Variants in GLIS3 observed in about 807,000 individuals in gnomAD.
The protein encoded by GLIS3 is GLIS family zinc finger 3.
In GLIS3, 53 loss-of-function variants were observed where a neutral mutation model predicts 78.6. The observed-to-expected ratio is 0.67, with a 90% CI of 0.54 to 0.85. GLIS3 has a LOEUF of 0.85. Among genes scored for constraint, GLIS3 ranks in the 40% least tolerant of loss-of-function variants. The probability of loss-of-function intolerance (pLI) is 0.00; values close to 1 mark genes in which losing one functional copy is unlikely to be tolerated. For synonymous variants in GLIS3, 684 were observed against 509.9 expected, an observed-to-expected ratio of 1.34 and a Z score of -4.60; for missense variants, 1,703 against 1,231.1, an observed-to-expected ratio of 1.38 and a Z score of -5.74.
rs778172508 is a variant in GLIS3, at chr9:4,286,121, T to G, written c.305A>C (p.Gln102Pro). The change falls in exon 2 of 11, where the codon CAG becomes CCG. Residue 102 changes from glutamine to proline, a missense_variant. Coordinates refer to ENST00000381971, the MANE Select transcript of GLIS3 (RefSeq NM_001042413.2). ...ATGTGACCCTGACATGCCTCCAGCC[T>G]GGGTGACCTGGAATCGCGGCTTCCC... ...TNGKPRFQVTQAGGMSGSHTL... is the reference protein window; with the variant it reads ...TNGKPRFQVTPAGGMSGSHTL... 3.7e-6 allele frequency: 6 copies of G among 1,613,666 alleles called. No individual in the cohort carries two copies.
In GLIS3 at chr9:3,991,683, A is replaced by AATTTTTTTT. The variant is rs1265317427; in HGVS notation, c.1711-54495_1711-54494insAAAAAAAAT. Among the ~76,000 whole-genome samples, 291 of 87,944 alleles carry AATTTTTTTT rather than the reference A, an allele frequency of 3.3e-3. 35 individuals carry two copies. Among genetic ancestry groups the AATTTTTTTT allele is most frequent in the African/African-American group, 0.013 (254 of 19,016 alleles). 57.7% of individuals were successfully genotyped at this position (87,944 alleles called of 152,430 possible). Reference sequence around the variant, plus strand: ...GTTCAGAATTTCATTAAGTAGGCTGATTTTTTTTTTTTTTTTTTTTTTTTT... The same window carrying AATTTTTTTT: ...GTTCAGAATTTCATTAAGTAGGCTGAATTTTTTTTTTTTTTTTTTTTTTTTTTTTTTTTT... On this transcript the variant is annotated intron_variant, in intron 4 of 10. Coordinates refer to ENST00000381971, the MANE Select transcript of GLIS3 (RefSeq NM_001042413.2).
intron 2 of GLIS3, among the ~76,000 whole-genome samples, chr9:4,231,172 G>C (rs1455933149): frequency 6.6e-6 from 1 of 152,098 alleles, no homozygotes; most frequent in Non-Finnish European, 1.5e-5. Context: ...TTAAAAAGCA[G>C]AGTAAGAACA....
intron 2 of GLIS3, among the ~76,000 whole-genome samples, chr9:4,270,830 C>A (rs1249960635): frequency 6.6e-6 from 1 of 152,054 alleles, no homozygotes; most frequent in Non-Finnish European, 1.5e-5. Context: ...ACTTCTCAGC[C>A]TCCTTTACTG....
chr9:4,072,998 C>T (rs12349427), intron 4 of GLIS3, among the ~76,000 whole-genome samples: 1 of 145,114 alleles, frequency 6.9e-6, no homozygotes, highest in Non-Finnish European at 1.5e-5. Context: ...TTCTTTTTCA[C>T]TTGGGTTTAC....
chr9:4,177,770 AT>A (rs981440580), intron 2 of GLIS3, among the ~76,000 whole-genome samples: 1 of 152,054 alleles, frequency 6.6e-6, no homozygotes, highest in Admixed American at 6.6e-5. Flanking sequence ...GTTTGGAGGT[AT>A]TTTTTTTCTT....
chr9:4,091,984 G>A (rs935606756), intron 4 of GLIS3, among the ~76,000 whole-genome samples: 1 of 152,088 alleles, frequency 6.6e-6, no homozygotes, highest in African/African-American at 2.4e-5. Flanking sequence ...TGGAGTCTGT[G>A]GGACTGGAAG....
At chr9:3,866,076 A>G (rs78066260) in intron 8 of GLIS3, among the ~76,000 whole-genome samples, 3,237 of 152,212 alleles carry the variant, frequency 0.021, 126 homozygotes, top group African/African-American at 0.075. Context: ...GGATACTGTA[A>G]CCACTCTCAG....
intron 9 of GLIS3, among the ~76,000 whole-genome samples, chr9:3,852,295 C>T (rs1300182353): frequency 6.6e-6 from 1 of 152,158 alleles, no homozygotes; most frequent in Non-Finnish European, 1.5e-5. Context: ...GTATTTCTCC[C>T]TGACCTCTAC....
chr9:4,319,988 TG>T (rs1294701914), intron 2 of GLIS3, among the ~76,000 whole-genome samples: 8 of 25,126 alleles, frequency 3.2e-4, no homozygotes, highest in African/African-American at 1.7e-3. Flanking sequence ...GGGGGTTGTG[TG>T]TGTGTGTGTG....
chr9:4,066,227 CG>C (rs1341820098), intron 4 of GLIS3, among the ~76,000 whole-genome samples: 1 of 152,114 alleles, frequency 6.6e-6, no homozygotes, highest in Non-Finnish European at 1.5e-5. Context: ...GGCACAGAAG[CG>C]AAAGAGACTC....
At chr9:4,376,225 G>T in the GLIS3 span, among the ~76,000 whole-genome samples, 1 of 152,166 alleles carries the variant, frequency 6.6e-6, no homozygotes, top group Admixed American at 6.6e-5. Flanking sequence ...CCTTTCAGGG[G>T]AAGATGTTAG....
chr9:4,046,655 T>C (rs1825275074), intron 4 of GLIS3, among the ~76,000 whole-genome samples: 1 of 152,230 alleles, frequency 6.6e-6, no homozygotes. Flanking sequence ...TGAAGTATTA[T>C]CTTCACTTCT....
chr9:3,879,747 A>C (rs1302350472), intron 7 of GLIS3, 152 bp from the exon 8 acceptor site: 5 of 799,648 alleles, frequency 6.3e-6, no homozygotes, highest in Non-Finnish European at 6.0e-6. Context: ...TTGGGTACAC[A>C]CAGCTTTTAT....
At chr9:4,351,924 C>T (rs747656302), upstream of GLIS3, among the ~76,000 whole-genome samples, 1 of 152,038 alleles carries the variant, frequency 6.6e-6, no homozygotes, top group African/African-American at 2.4e-5. Context: ...CTAGTAGTGC[C>T]TGTATTTGAG....
the GLIS3 span, among the ~76,000 whole-genome samples, chr9:4,474,620 C>G: frequency 0.34 from 51,564 of 151,644 alleles, 9,929 homozygotes; most frequent in Middle Eastern, 0.48. Context: ...CATATAATAT[C>G]TTCATACCTT....
chr9:3,884,534 T>TG (rs951150849), intron 7 of GLIS3, among the ~76,000 whole-genome samples: 1 of 151,982 alleles, frequency 6.6e-6, no homozygotes, highest in Non-Finnish European at 1.5e-5. Context: ...GTCTTGGGGG[T>TG]GCTGAGGCTG....
the GLIS3 span, among the ~76,000 whole-genome samples, chr9:4,399,787 G>C: frequency 6.6e-4 from 101 of 152,320 alleles, no homozygotes. Flanking sequence ...AGCAGCTACA[G>C]AAGAGGCATC....
At chr9:4,236,854 A>C (rs571382085) in intron 2 of GLIS3, among the ~76,000 whole-genome samples, 2 of 152,292 alleles carry the variant, frequency 1.3e-5, no homozygotes, top group South Asian at 4.1e-4. Flanking sequence ...ACTGAGACTA[A>C]AACTTCCCTT....
intron 4 of GLIS3, among the ~76,000 whole-genome samples, chr9:4,025,708 G>C (rs944360592): frequency 6.6e-6 from 1 of 152,142 alleles, no homozygotes; most frequent in African/African-American, 2.4e-5. Flanking sequence ...TAGATCACAT[G>C]ATAGAATTAA....
Sources: allele counts gnomAD v4.1 joint callset (sites outside exome capture counted in the v4.1 genomes callset), GRCh38; gene constraint gnomAD v4.1.1; transcripts MANE v1.5; gene names NCBI Gene and HGNC (gene_info 2026-07-23, HGNC 2026-07-21).